SCHIP1: variants seen among roughly 807,000 people sequenced by gnomAD.
SCHIP1 encodes schwannomin-interacting protein 1.
In SCHIP1, 8 loss-of-function variants were observed where a neutral mutation model predicts 29.7. That is an observed-to-expected ratio of 0.27 (90% CI 0.16 to 0.49). The LOEUF is 0.49. SCHIP1 is among the 20% of genes least tolerant of loss of function. The pLI, the probability that SCHIP1 is intolerant of heterozygous loss-of-function variation, is 0.99. For missense variants in SCHIP1, 193 were observed against 294.6 expected, an observed-to-expected ratio of 0.66 and a Z score of 2.52; for synonymous variants, 76 against 94.9, an observed-to-expected ratio of 0.80 and a Z score of 1.16.
At chr3:159,680,680 A>ATATGTATATATAATATACATATATT in the SCHIP1 span, among the ~76,000 whole-genome samples, 1 of 70,700 alleles carries the variant, frequency 1.4e-5, no homozygotes, top group African/African-American at 8.4e-5. Context: ...TTATATATAT[A>ATATGTATATATAATATACATATATT]ATATATGTAT....
the SCHIP1 span, among the ~76,000 whole-genome samples, chr3:159,604,929 G>A: frequency 6.6e-6 from 1 of 152,200 alleles, no homozygotes; most frequent in Non-Finnish European, 1.5e-5. Flanking sequence ...TGACCAAATT[G>A]TGAAACAAGC....
the SCHIP1 span, among the ~76,000 whole-genome samples, chr3:159,811,599 G>A: frequency 5.8e-4 from 89 of 152,290 alleles, 1 homozygote; most frequent in African/African-American, 2.0e-3. Context: ...GACTATAAAT[G>A]TAAAGTTTTA....
chr3:159,481,452 T>C, the SCHIP1 span, among the ~76,000 whole-genome samples: 1 of 152,212 alleles, frequency 6.6e-6, no homozygotes. Context: ...TCCAGTTGAA[T>C]TGAAATTTCA....
the SCHIP1 span, among the ~76,000 whole-genome samples, chr3:159,419,467 T>G: frequency 6.6e-6 from 1 of 152,210 alleles, no homozygotes; most frequent in South Asian, 2.1e-4. Flanking sequence ...AGGGAGCACA[T>G]TCTTTCTCCA....
At chr3:159,896,256 T>C (rs1410144493) in intron 6 of SCHIP1, among the ~76,000 whole-genome samples, 4 of 152,254 alleles carry the variant, frequency 2.6e-5, no homozygotes, top group African/African-American at 9.6e-5. Flanking sequence ...CTTATCATAA[T>C]ACCATGTTTC....
chr3:159,661,605 C>T, the SCHIP1 span, among the ~76,000 whole-genome samples: 1,119 of 152,226 alleles, frequency 7.4e-3, 15 homozygotes, highest in African/African-American at 0.025. Context: ...GCCCCAAACA[C>T]GTAGTGTTTT....
At chr3:159,679,331 TC>T in the SCHIP1 span, among the ~76,000 whole-genome samples, 1 of 152,322 alleles carries the variant, frequency 6.6e-6, no homozygotes, top group Middle Eastern at 3.4e-3. Flanking sequence ...AATTTTATTC[TC>T]CCAGTTGCAT....
chr3:159,614,256 G>A, the SCHIP1 span, among the ~76,000 whole-genome samples: 1 of 152,164 alleles, frequency 6.6e-6, no homozygotes, highest in Non-Finnish European at 1.5e-5. Flanking sequence ...CCAATTGAGA[G>A]CTTTAGACAT....
At chr3:159,677,045 C>T in the SCHIP1 span, among the ~76,000 whole-genome samples, 3 of 152,284 alleles carry the variant, frequency 2.0e-5, no homozygotes, top group African/African-American at 7.2e-5. Flanking sequence ...AGAACCATCT[C>T]TGGCCATCCT....
chr3:159,776,808 T>C, the SCHIP1 span, among the ~76,000 whole-genome samples: 1 of 152,222 alleles, frequency 6.6e-6, no homozygotes, highest in African/African-American at 2.4e-5. Flanking sequence ...ATTAAAGTTC[T>C]CTTTTTTTAG....
the SCHIP1 span, among the ~76,000 whole-genome samples, chr3:159,701,527 T>A: frequency 6.6e-6 from 1 of 152,220 alleles, no homozygotes; most frequent in Admixed American, 6.5e-5. Flanking sequence ...CTTTAATAAC[T>A]TATATTTAAA....
the SCHIP1 span, among the ~76,000 whole-genome samples, chr3:159,743,208 G>T: frequency 2.0e-5 from 3 of 152,050 alleles, no homozygotes; most frequent in Admixed American, 6.6e-5. Flanking sequence ...ATTTTAGTTG[G>T]TTTTTCTGAG....
the SCHIP1 span, among the ~76,000 whole-genome samples, chr3:159,430,555 A>G: frequency 6.6e-6 from 1 of 152,144 alleles, no homozygotes; most frequent in Admixed American, 6.5e-5. Flanking sequence ...GAATAGAAAA[A>G]GGGAGAGAGA....
At chr3:159,392,580 G>C in the SCHIP1 span, among the ~76,000 whole-genome samples, 1 of 151,370 alleles carries the variant, frequency 6.6e-6, no homozygotes, top group Non-Finnish European at 1.5e-5. Context: ...TTTTGTTCTT[G>C]TGATAGTTTA....
intron 6 of SCHIP1, among the ~76,000 whole-genome samples, chr3:159,896,428 G>C (rs1718074675): frequency 6.6e-6 from 1 of 152,122 alleles, no homozygotes; most frequent in Admixed American, 6.5e-5. Flanking sequence ...AAGTATCCCA[G>C]ATGTTTATTT....
chr3:159,345,566 C>G, the SCHIP1 span, among the ~76,000 whole-genome samples: 2 of 151,934 alleles, frequency 1.3e-5, no homozygotes, highest in Non-Finnish European at 2.9e-5. Flanking sequence ...CTCTCTCTCT[C>G]TCTCTCTCTC....
chr3:159,362,800 T>C, the SCHIP1 span, among the ~76,000 whole-genome samples: 1 of 152,180 alleles, frequency 6.6e-6, no homozygotes, highest in African/African-American at 2.4e-5. Flanking sequence ...TTCCTCTCTA[T>C]ATACTGCTGT....
chr3:159,531,894 A>T, the SCHIP1 span, among the ~76,000 whole-genome samples: 5 of 152,238 alleles, frequency 3.3e-5, no homozygotes, highest in Non-Finnish European at 7.3e-5. Flanking sequence ...AGAAATTACC[A>T]CTATTATTTC....
At chr3:159,763,083 G>A in the SCHIP1 span, among the ~76,000 whole-genome samples, 2 of 152,088 alleles carry the variant, frequency 1.3e-5, no homozygotes, top group Admixed American at 6.5e-5. Context: ...CATCCTCAGC[G>A]TGCAGCCCGG....
Sources: gnomAD v4.1 joint callset for allele counts (sites outside exome capture counted in the v4.1 genomes callset) on GRCh38, gnomAD v4.1.1 for gene constraint, MANE v1.5 for transcripts, NCBI Gene and HGNC (gene_info 2026-07-23, HGNC 2026-07-21) for gene names.